Variants in SCUBE2 observed in about 807,000 individuals in gnomAD.
SCUBE2 encodes signal peptide, CUB domain and EGF like domain containing 2.
A neutral mutation model predicts 125.9 loss-of-function variants in SCUBE2; 114 were observed. The ratio of observed to expected loss-of-function variants is 0.91; its 90% confidence interval spans 0.78 to 1.06. The LOEUF is 1.06. Ranked by LOEUF, SCUBE2 falls within the 50% of genes least tolerant of loss-of-function variation. The pLI, the probability that SCUBE2 is intolerant of heterozygous loss-of-function variation, is 0.00. For missense variants in SCUBE2, 1,255 were observed against 1,301.8 expected (o/e 0.96, Z 0.55); for synonymous variants, 459 against 492.9 (o/e 0.93, Z 0.91).
intron 16 of SCUBE2, among the ~76,000 whole-genome samples, chr11:9,043,956 T>C (rs1169092506): frequency 6.6e-6 from 1 of 152,204 alleles, no homozygotes; most frequent in Non-Finnish European, 1.5e-5. Context: ...TCTATTAAAG[T>C]TTTAAATATG....
intron 9 of SCUBE2, among the ~76,000 whole-genome samples, chr11:9,056,464 A>G (rs1040957919): frequency 6.6e-6 from 1 of 152,176 alleles, no homozygotes; most frequent in African/African-American, 2.4e-5. Flanking sequence ...AGAATGCATC[A>G]ATACTAATAT....
rs1856513404 is a variant in SCUBE2 at position 9,033,694 on chromosome 11, G to A, written c.2105C>T (p.Pro702Leu). 14 of 1,614,102 alleles carry A rather than the reference G, an allele frequency of 8.7e-6. No individual in the cohort carries two copies. The highest frequency in any genetic ancestry group is 1.2e-5 in the Non-Finnish European group (14 of 1,180,016). Reference protein sequence around the residue: ...QNEEGQMTCEPCPRPGNSGAL... With the variant: ...QNEEGQMTCELCPRPGNSGAL... ...CCCAGAATTTCCTGGTCTTGGGCAT[G>A]GTTCACAAGTCATTTGTCCTTCCTC... Residue 702 changes from proline (P) to leucine (L), a missense_variant, in exon 17 of 23, where the codon CCA becomes CTA. Pro to Leu is a moderately conservative substitution (Grantham distance 98). Transcript: ENST00000649792.
chr11:9,089,758 A>C lies in SCUBE2; in HGVS notation c.205T>G (p.Tyr69Asp). The change falls in exon 2 of 23, where the codon TAC becomes GAC. Residue 69 changes from tyrosine to aspartate, a missense_variant. Physicochemically the swap from Tyr to Asp is radical, Grantham distance 160 (BLOSUM62 -3). Around this residue, in one of 3 missense-constraint regions of SCUBE2, gnomAD observed 362 missense variants for 323.0 expected, o/e 1.12. Coordinates refer to ENST00000649792, the MANE Select transcript of SCUBE2 (RefSeq NM_001367977.2). Reference sequence around the variant, plus strand: ...TAGCCAGGCTTGCAGGAGCACTTGTAGGAGGTGGGTGTGTTCTGACACAGG... The same window carrying C: ...TAGCCAGGCTTGCAGGAGCACTTGTCGGAGGTGGGTGTGTTCTGACACAGG... ...DALCQNTPTSYKCSCKPGYQG... is the reference protein window; with the variant it reads ...DALCQNTPTSDKCSCKPGYQG... 1 of 1,614,000 alleles carries C rather than the reference A, an allele frequency of 6.2e-7. No homozygotes were observed. Among genetic ancestry groups the C allele is most frequent in the Middle Eastern group, 1.7e-4 (1 of 6,060 alleles).
intron 19 of SCUBE2, among the ~76,000 whole-genome samples, chr11:9,027,906 T>C (rs747239064): frequency 3.4e-4 from 52 of 152,216 alleles, no homozygotes; most frequent in Non-Finnish European, 6.6e-4. Context: ...ACAGAACTTC[T>C]AGGTCTCTCA....
At chr11:9,064,166 C>T (rs892197174) in intron 7 of SCUBE2, among the ~76,000 whole-genome samples, 2 of 152,064 alleles carry the variant, frequency 1.3e-5, no homozygotes, top group African/African-American at 2.4e-5. Flanking sequence ...AAAACAGACA[C>T]ATCAAGAAGT....
chr11:9,049,155 G>A (rs942867111), intron 14 of SCUBE2, among the ~76,000 whole-genome samples: 2 of 152,094 alleles, frequency 1.3e-5, no homozygotes, highest in Admixed American at 6.6e-5. Flanking sequence ...CTCCCCTAAC[G>A]TTAACATCAT....
rs750773819 is a variant in SCUBE2, at chr11:9,091,437, G to A, written c.92C>T (p.Ala31Val). The part of the protein sequence containing the change: ...LLPPLLLLAG[A>V]VPPGRGRAAG... Reference sequence around the variant, plus strand: ...GGCACGGCCCCGACCCGGCGGGACGGCCCCCGCCAGCAGCAGCAGTGGCGG... The same window carrying A: ...GGCACGGCCCCGACCCGGCGGGACGACCCCCGCCAGCAGCAGCAGTGGCGG... The change falls in exon 1 of 23, where the codon GCC becomes GTC. Residue 31 changes from alanine (A) to valine (V), a missense_variant. By Grantham distance (64) the Ala-to-Val change is moderately conservative. This residue lies in a region of SCUBE2 where 362 missense variants were observed against 323.0 expected (regional missense o/e 1.12). Transcript: ENST00000649792. The surrounding 1 kb of genome is among the most constrained non-coding windows in gnomAD (Gnocchi z 8.5). The A allele has an allele frequency of 3.8e-6, 5 of 1,329,956 alleles. No individual in the cohort carries two copies. Among genetic ancestry groups the A allele is most frequent in the Admixed American group, 6.6e-5 (2 of 30,350 alleles). The allele number at this position is 1,329,956 out of a possible 1,614,324, so 82.4% of individuals were successfully genotyped here.
chr11:9,044,373 C>T (rs1469294067), intron 16 of SCUBE2, among the ~76,000 whole-genome samples: 2 of 152,126 alleles, frequency 1.3e-5, no homozygotes, highest in Admixed American at 1.3e-4. Flanking sequence ...CCGCCTTAGA[C>T]TCCCGAGTAG....
At position 9,045,610 on chromosome 11, in the gene SCUBE2, G is replaced by C. The variant is rs6486111; in HGVS notation, c.2002+1746C>G. Among the ~76,000 whole-genome samples, 865 of 99,184 alleles carry C rather than the reference G, an allele frequency of 8.7e-3. 11 individuals are homozygous for C. The highest frequency in any genetic ancestry group is 0.027 in the African/African-American group (758 of 28,386). The allele number at this position is 99,184 out of a possible 152,430, so 65.1% of individuals were successfully genotyped here. A position where few individuals can be genotyped will look rare whatever the true frequency, so the allele number is the denominator to read the frequency against. ...ACCAGGACTAGAAGACAGACAGACA[G>C]ACACACACACACACACACACACACA... On this transcript the variant is annotated intron_variant, in intron 16 of 22. Transcript: ENST00000649792.
At chr11:9,058,201 G>A (rs1020403241) in intron 9 of SCUBE2, among the ~76,000 whole-genome samples, 2 of 152,114 alleles carry the variant, frequency 1.3e-5, no homozygotes, top group African/African-American at 4.8e-5. Flanking sequence ...GGTGGCCCAC[G>A]CCTGTAATCC....
At position 9,055,897 on chromosome 11, in the gene SCUBE2, C is replaced by G. The variant is rs776889563; in HGVS notation, c.1103G>C (p.Cys368Ser). 1 of 1,614,090 alleles carries G rather than the reference C, an allele frequency of 6.2e-7. No individual in the cohort carries two copies. Among genetic ancestry groups the G allele is most frequent in the South Asian group, 1.1e-5 (1 of 91,078 alleles). The change falls in exon 10 of 23, where the codon TGC becomes TCC. Residue 368 changes from cysteine to serine, a missense_variant. Physicochemically the swap from Cys to Ser is moderately radical, Grantham distance 112. This residue lies in a region of SCUBE2 where 378 missense variants were observed against 463.1 expected (regional missense o/e 0.82). Transcript: ENST00000649792. The part of the protein sequence containing the change: ...DEKSCQDVDE[C>S]SLDRTCDHSC... Reference sequence around the variant, plus strand: ...GTGGTCACAGGTCCTATCCAAAGAGCACTCATCCACATCTGTAATGGTCAA... The same window carrying G: ...GTGGTCACAGGTCCTATCCAAAGAGGACTCATCCACATCTGTAATGGTCAA...
Position 9,030,003 on chromosome 11 carries a change from C to G in SCUBE2, c.2384G>C (p.Arg795Pro). 1 of 1,614,054 alleles carries G rather than the reference C, an allele frequency of 6.2e-7. No individual in the cohort carries two copies. Among genetic ancestry groups the G allele is most frequent in the Non-Finnish European group, 8.5e-7 (1 of 1,180,006 alleles). Residue 795 changes from arginine (R) to proline (P), a missense_variant, in exon 19 of 23, where the codon CGA (arginine) becomes CCA (proline). Physicochemically the swap from Arg to Pro is moderately radical, Grantham distance 103. This residue lies in a region of SCUBE2 where 515 missense variants were observed against 515.7 expected (regional missense o/e 1.00). Coordinates refer to ENST00000649792, the MANE Select transcript of SCUBE2 (RefSeq NM_001367977.2). ...TGTTCCCACTGGGCAACGAATACAT[C>G]GGTGAGTGGTGGTGTTGTAGAAATG... ...PGHFYNTTTH[R>P]CIRCPVGTYQ...
At chr11:9,059,620 A>G in intron 8 of SCUBE2, 195 bp from the exon 9 acceptor site, 1 of 694,916 alleles carries the variant, frequency 1.4e-6, no homozygotes, top group Admixed American at 3.2e-5. Context: ...TTGAAAGACA[A>G]GTGTTTCATC....
intron 3 of SCUBE2, among the ~76,000 whole-genome samples, chr11:9,076,978 G>A (rs182901374): frequency 5.9e-5 from 9 of 152,306 alleles, no homozygotes; most frequent in Admixed American, 4.6e-4. Flanking sequence ...GATTGGCTGC[G>A]AGTAAAGATG....
intron 3 of SCUBE2, among the ~76,000 whole-genome samples, chr11:9,076,367 C>T (rs1222529648): frequency 6.6e-6 from 1 of 152,050 alleles, no homozygotes; most frequent in African/African-American, 2.4e-5. Context: ...ATACCCTGTG[C>T]ACAGCTGTAT....
At chr11:9,051,221 TCTATCTAC>T (rs1261595587) in intron 13 of SCUBE2, among the ~76,000 whole-genome samples, 43 of 91,624 alleles carry the variant, frequency 4.7e-4, no homozygotes, top group Non-Finnish European at 9.8e-4. Flanking sequence ...TATCTATCTA[TCTATCTAC>T]CTACCTACCT....
intron 18 of SCUBE2, 74 bp downstream of exon 18, chr11:9,030,684 G>T: frequency 6.8e-7 from 1 of 1,481,120 alleles, no homozygotes; most frequent in South Asian, 1.3e-5. Flanking sequence ...GGCTTGACTG[G>T]AGCCTCACGA....
At chr11:9,078,464 A>G (rs1861373315) in intron 3 of SCUBE2, among the ~76,000 whole-genome samples, 1 of 152,196 alleles carries the variant, frequency 6.6e-6, no homozygotes, top group African/African-American at 2.4e-5. Context: ...CCCAACACAC[A>G]ACACACAAGT....
intron 10 of SCUBE2, among the ~76,000 whole-genome samples, chr11:9,054,140 G>T (rs535059318): frequency 6.6e-6 from 1 of 152,146 alleles, no homozygotes; most frequent in Admixed American, 6.5e-5. Context: ...GGGATTACGG[G>T]CATGTGCCAA....
Sources: allele counts gnomAD v4.1 joint callset (sites outside exome capture counted in the v4.1 genomes callset), GRCh38; gene constraint gnomAD v4.1.1; regional missense constraint gnomAD v4.1.1; non-coding constraint Gnocchi (gnomAD v3.1); transcripts MANE v1.5; gene names NCBI Gene and HGNC (gene_info 2026-07-23, HGNC 2026-07-21).